The following TENM3 variants were observed in gnomAD, a reference collection of about 807,000 sequenced individuals.
The protein encoded by TENM3 is teneurin transmembrane protein 3, also known as teneurin-3.
TENM3 carries 63 observed loss-of-function variants against 255.1 expected under a neutral mutation model. The ratio of observed to expected loss-of-function variants is 0.25; its 90% CI spans 0.20 to 0.30. The LOEUF (loss-of-function observed/expected upper bound fraction) is 0.30, where lower values mean the gene tolerates loss of function less well. Among genes scored for constraint, TENM3 ranks in the 10% least tolerant of loss-of-function variants. The pLI is 1.00. For synonymous variants in TENM3, 1,306 were observed against 1,322.3 expected, an observed-to-expected ratio of 0.99 and a Z score of 0.27; for missense variants, 2,929 against 3,461.1, an observed-to-expected ratio of 0.85 and a Z score of 3.86.
intron 11 of TENM3, among the ~76,000 whole-genome samples, chr4:182,685,377 C>T (rs1009921292): frequency 6.6e-6 from 1 of 152,006 alleles, no homozygotes; most frequent in African/African-American, 2.4e-5. Flanking sequence ...AGTAAAAACA[C>T]AAATTGGGAT....
intron 12 of TENM3, among the ~76,000 whole-genome samples, chr4:182,704,774 G>A (rs1264340184): frequency 2.0e-5 from 3 of 150,484 alleles, no homozygotes; most frequent in African/African-American, 7.3e-5. Context: ...CCAATTGTAG[G>A]GGAGCAGATC....
chr4:181,865,548 C>A, the TENM3 span, among the ~76,000 whole-genome samples: 1 of 152,160 alleles, frequency 6.6e-6, no homozygotes, highest in African/African-American at 2.4e-5. Flanking sequence ...TACCGTCACC[C>A]GCATGCCTAC....
At chr4:182,344,246 A>G (rs1764661669) in intron 2 of TENM3, among the ~76,000 whole-genome samples, 1 of 152,174 alleles carries the variant, frequency 6.6e-6, no homozygotes, top group African/African-American at 2.4e-5. Context: ...GGCCAAGTTT[A>G]GTTTTCTCTC....
intron 3 of TENM3, among the ~76,000 whole-genome samples, chr4:182,391,106 C>A (rs1298342763): frequency 2.0e-5 from 3 of 152,108 alleles, no homozygotes; most frequent in Admixed American, 6.5e-5. Flanking sequence ...AAACAAATTA[C>A]CTTTACAGAC....
the TENM3 span, among the ~76,000 whole-genome samples, chr4:181,488,030 G>A: frequency 6.6e-6 from 1 of 152,202 alleles, no homozygotes; most frequent in African/African-American, 2.4e-5. Flanking sequence ...GGGTCTCCAA[G>A]TCATGGTGGA....
the TENM3 span, among the ~76,000 whole-genome samples, chr4:181,645,876 T>C: frequency 1.1e-4 from 17 of 152,332 alleles, no homozygotes; most frequent in Admixed American, 4.6e-4. Flanking sequence ...TGATCTCCCA[T>C]CTAGCCTTGC....
At chr4:182,698,292 A>G (rs568910739) in intron 12 of TENM3, among the ~76,000 whole-genome samples, 2 of 152,298 alleles carry the variant, frequency 1.3e-5, no homozygotes, top group African/African-American at 4.8e-5. Context: ...CAATCTGTAT[A>G]CTATAAAGCC....
At chr4:182,393,023 C>T (rs956795506) in intron 3 of TENM3, among the ~76,000 whole-genome samples, 28 of 152,158 alleles carry the variant, frequency 1.8e-4, no homozygotes, top group African/African-American at 6.3e-4. Flanking sequence ...AAGAAAATGT[C>T]GGTTTGTCTT....
At chr4:181,760,808 A>G in the TENM3 span, among the ~76,000 whole-genome samples, 2 of 151,872 alleles carry the variant, frequency 1.3e-5, no homozygotes, top group Non-Finnish European at 2.9e-5. Flanking sequence ...TGAGAATCAT[A>G]TGGTTCCTCT....
At chr4:181,900,669 G>A in the TENM3 span, among the ~76,000 whole-genome samples, 3 of 152,094 alleles carry the variant, frequency 2.0e-5, no homozygotes, top group Admixed American at 6.6e-5. Context: ...AATTCCACAA[G>A]CATTAATTGG....
At chr4:181,894,002 G>A in the TENM3 span, among the ~76,000 whole-genome samples, 1 of 151,470 alleles carries the variant, frequency 6.6e-6, no homozygotes, top group South Asian at 2.1e-4. Flanking sequence ...AAACAGGCTT[G>A]GATAATCCTG....
the TENM3 span, among the ~76,000 whole-genome samples, chr4:181,722,230 TAAG>T: frequency 1.3e-5 from 2 of 152,178 alleles, no homozygotes; most frequent in South Asian, 2.1e-4. Context: ...ATGGGTGTTT[TAAG>T]AAGAAGAAAG....
intron 5 of TENM3, among the ~76,000 whole-genome samples, chr4:182,642,686 G>C (rs570451906): frequency 2.6e-5 from 4 of 152,074 alleles, no homozygotes; most frequent in Non-Finnish European, 5.9e-5. Context: ...AAACCTGTTC[G>C]TTCATAAAGC....
At chr4:181,492,723 G>A in the TENM3 span, among the ~76,000 whole-genome samples, 13 of 152,020 alleles carry the variant, frequency 8.6e-5, no homozygotes, top group East Asian at 2.5e-3. Context: ...AACAAGTTTC[G>A]GTGTTATCAC....
intron 1 of TENM3, among the ~76,000 whole-genome samples, chr4:182,301,953 C>T (rs1338836460): frequency 6.6e-6 from 1 of 152,142 alleles, no homozygotes; most frequent in African/African-American, 2.4e-5. Context: ...GCTCGGGTGC[C>T]TTCTGGGTTT....
At chr4:182,494,431 A>AT (rs1261949162) in intron 3 of TENM3, among the ~76,000 whole-genome samples, 1 of 152,128 alleles carries the variant, frequency 6.6e-6, no homozygotes, top group East Asian at 1.9e-4. Context: ...ATTACTGGTT[A>AT]TTGTTGTTCA....
chr4:181,786,697 CTT>C, the TENM3 span, among the ~76,000 whole-genome samples: 3,015 of 144,810 alleles, frequency 0.021, 33 homozygotes, highest in Middle Eastern at 0.064. Flanking sequence ...AAGACAATCA[CTT>C]TTTTTTTTTT....
At chr4:182,743,915 C>T (rs1283830466) in intron 19 of TENM3, among the ~76,000 whole-genome samples, 1 of 152,000 alleles carries the variant, frequency 6.6e-6, no homozygotes, top group East Asian at 1.9e-4. Context: ...ATTGTCTTTG[C>T]TTTGTTCATT....
the TENM3 span, among the ~76,000 whole-genome samples, chr4:181,949,151 T>C: frequency 6.6e-6 from 1 of 152,122 alleles, no homozygotes; most frequent in Non-Finnish European, 1.5e-5. Context: ...TATGTGGCCA[T>C]TAACCCAAGC....
Sources: gnomAD v4.1 joint callset for allele counts (sites outside exome capture counted in the v4.1 genomes callset) on GRCh38, gnomAD v4.1.1 for gene constraint, MANE v1.5 for transcripts, NCBI Gene and HGNC (gene_info 2026-07-23, HGNC 2026-07-21) for gene names.